The following ADSS2 variants were observed in gnomAD, a reference collection of about 807,000 sequenced individuals.
ADSS2 encodes the protein adenylosuccinate synthetase isozyme 2.
ADSS2 carries 30 observed loss-of-function variants against 60.0 expected under a neutral mutation model. The observed-to-expected ratio is 0.50, with a 90% CI of 0.37 to 0.68. ADSS2 has a LOEUF of 0.68. Among genes scored for constraint, ADSS2 ranks in the 30% least tolerant of loss-of-function variants. ADSS2 has a pLI of 0.00. For missense variants in ADSS2, 373 were observed against 554.8 expected (o/e 0.67, Z 3.29); for synonymous variants, 187 against 193.1 (o/e 0.97, Z 0.26).
At chr1:244,441,826 C>A (rs147143809) in intron 1 of ADSS2, among the ~76,000 whole-genome samples, 2 of 151,860 alleles carry the variant, frequency 1.3e-5, no homozygotes, top group Non-Finnish European at 1.5e-5. Context: ...CGTGGTGGCA[C>A]GTGCCTGTAG....
In ADSS2 at chr1:244,418,764, T is replaced by C. The variant is rs369996847; in HGVS notation, c.941A>G (p.Asp314Gly). 17 of 1,604,966 alleles carry C rather than the reference T, an allele frequency of 1.1e-5. No homozygotes were observed. Among genetic ancestry groups the C allele is most frequent in the Non-Finnish European group, 1.4e-5 (17 of 1,177,514 alleles). ...VGIGAFPTEQ[D>G]NEIGELLQTR... Reference sequence around the variant, plus strand: ...ATTTACTTAGAATAGGCTTACATTGTCTTGCTCTGTAGGAAAGGCACCAAT... The same window carrying C: ...ATTTACTTAGAATAGGCTTACATTGCCTTGCTCTGTAGGAAAGGCACCAAT... Residue 314 changes from aspartate (D) to glycine (G), a missense_variant, in exon 9 of 13, where the codon GAC becomes GGC. By Grantham distance (94) the Asp-to-Gly change is moderately conservative. This residue lies in a region of ADSS2 where 130 missense variants were observed against 169.4 expected (regional missense o/e 0.77). Transcript: ENST00000366535.
chr1:244,434,920 G>C (rs1421710535), intron 3 of ADSS2, among the ~76,000 whole-genome samples: 1 of 152,052 alleles, frequency 6.6e-6, no homozygotes, highest in Non-Finnish European at 1.5e-5. Context: ...TGTAATCCCA[G>C]CACCTTGGGA....
Position 244,436,825 on chromosome 1 carries a change from C to G in ADSS2, c.355G>C (p.Gly119Arg). The G allele has an allele frequency of 1.9e-6, 3 of 1,609,108 alleles. No homozygotes were observed. The highest frequency in any genetic ancestry group is 2.5e-6 in the Non-Finnish European group (3 of 1,176,550). The change falls in exon 3 of 13, where the codon GGA becomes CGA. Residue 119 changes from glycine to arginine, a missense_variant and splice_region_variant. Gly to Arg is a moderately radical substitution (Grantham distance 125). Coordinates refer to ENST00000366535, the MANE Select transcript of ADSS2 (RefSeq NM_001126.5). ...EAEKNVQKGKGLEGWEKRLII... is the reference protein window; with the variant it reads ...EAEKNVQKGKRLEGWEKRLII... ...ACCAAGTAGACTCATTCTTTCATAC[C>G]TTTTCCTTTTTGAACATTTTTCTCT... is the stretch of plus-strand genomic sequence containing the variant.
At chr1:244,437,798 CT>C in intron 1 of ADSS2, 30 bp from the exon 2 acceptor site, 1 of 1,469,102 alleles carries the variant, frequency 6.8e-7, no homozygotes, top group Non-Finnish European at 9.5e-7. Flanking sequence ...AAAATTGAGC[CT>C]GATGATAAAT....
chr1:244,416,192 C>T (rs982290763), intron 10 of ADSS2, 114 bp from the exon 11 acceptor site: 15 of 703,064 alleles, frequency 2.1e-5, no homozygotes, highest in Non-Finnish European at 3.3e-5. Flanking sequence ...AGTTCTAAAG[C>T]AATTCTGAAA....
intron 1 of ADSS2, among the ~76,000 whole-genome samples, chr1:244,448,495 A>G (rs1023134599): frequency 6.6e-6 from 1 of 152,192 alleles, no homozygotes; most frequent in Non-Finnish European, 1.5e-5. Context: ...GAGAATACAC[A>G]CGGAACACTG....
intron 4 of ADSS2, among the ~76,000 whole-genome samples, chr1:244,426,873 T>C (rs1664818309): frequency 6.6e-6 from 1 of 152,186 alleles, no homozygotes; most frequent in Admixed American, 6.6e-5. Flanking sequence ...CCATGCTACA[T>C]CGATTACATA....
rs146471001 is a variant in ADSS2 at position 244,430,131 on chromosome 1, C to T, written c.406+2414G>A. On this transcript the variant is annotated intron_variant, in intron 4 of 12. Coordinates refer to ENST00000366535, the MANE Select transcript of ADSS2 (RefSeq NM_001126.5). ...GGAAAAAATAATTAAAGAAATATAA[C>T]TATAAATAAAATAATAATATTCATT... Among the ~76,000 whole-genome samples the T allele has an allele frequency of 7.8e-3, 1,189 of 152,134 alleles. 5 individuals carry two copies. Among genetic ancestry groups the T allele is most frequent in the Non-Finnish European group, 0.013 (868 of 68,000 alleles).
At chr1:244,423,893 A>G (rs57748551) in intron 6 of ADSS2, 60 bp downstream of exon 6, 125,814 of 1,413,566 alleles carry the variant, frequency 0.089, 7,237 homozygotes, top group Admixed American at 0.24. Context: ...TGCACCCTAG[A>G]TTTTAAAAAA....
chr1:244,434,538 T>C (rs1665036323), intron 3 of ADSS2, among the ~76,000 whole-genome samples: 1 of 152,204 alleles, frequency 6.6e-6, no homozygotes, highest in African/African-American at 2.4e-5. Flanking sequence ...GAAGAGAACC[T>C]CCTCGGTAAT....
chr1:244,420,200 C>T lies in ADSS2; in HGVS notation c.760G>A (p.Ala254Thr), dbSNP rs777533847. ...TCAATATCTAATAGTGCTGCATTTG[C>T]ACCTTCTACCAAGATTTTCTTTGGT... is the stretch of plus-strand genomic sequence containing the variant. ...GPPKKILVEG[A>T]NAALLDIDFG... The change falls in exon 8 of 13, where the codon GCA (alanine) becomes ACA (threonine). Residue 254 changes from alanine (A) to threonine (T), a missense_variant. By Grantham distance (58) the Ala-to-Thr change is moderately conservative. Around this residue, in one of 5 missense-constraint regions of ADSS2, gnomAD observed 28 missense variants for 74.4 expected, o/e 0.38. Transcript: ENST00000366535. The T allele has an allele frequency of 6.2e-7, 1 of 1,613,820 alleles. No individual in the cohort carries two copies. Among genetic ancestry groups the T allele is most frequent in the South Asian group, 1.1e-5 (1 of 91,078 alleles).
chr1:244,425,689 C>T (rs1039060873), intron 4 of ADSS2, among the ~76,000 whole-genome samples: 1 of 152,104 alleles, frequency 6.6e-6, no homozygotes, highest in Non-Finnish European at 1.5e-5. Flanking sequence ...ACAATCATAT[C>T]TTTTTATGAT....
intron 1 of ADSS2, among the ~76,000 whole-genome samples, chr1:244,442,242 TAC>T (rs71739056): frequency 0.54 from 79,843 of 148,894 alleles, 21,475 homozygotes; most frequent in Admixed American, 0.61. Flanking sequence ...ATGGTTGCTC[TAC>T]ACACACACAC....
intron 4 of ADSS2, 86 bp downstream of exon 4, chr1:244,432,456 TAAA>T: frequency 1.0e-6 from 1 of 997,496 alleles, no homozygotes; most frequent in South Asian, 1.6e-5. Context: ...TAAATAAAAA[TAAA>T]AGACAAAATT....
intron 6 of ADSS2, 66 bp downstream of exon 6, chr1:244,423,887 C>A (rs1026604306): frequency 2.3e-6 from 3 of 1,299,498 alleles, no homozygotes; most frequent in Admixed American, 4.3e-5. Flanking sequence ...TCATTTTGCA[C>A]CCTAGATTTT....
At chr1:244,413,207 C>T (rs1307100817) in intron 11 of ADSS2, among the ~76,000 whole-genome samples, 5 of 152,112 alleles carry the variant, frequency 3.3e-5, no homozygotes, top group Non-Finnish European at 7.4e-5. Context: ...TCTCATGATG[C>T]ATGACACAGA....
Position 244,409,323 on chromosome 1 carries a change from A to G in ADSS2, c.*263T>C. On this transcript the variant is annotated 3_prime_UTR_variant, in exon 13 of 13. Transcript: ENST00000366535. ...AAACAACATGGATTATACTATTACT[A>G]AACATTGAAAAAAAAAACGTGGCAC... 2 of 310,990 alleles carry G rather than the reference A, an allele frequency of 6.4e-6. No homozygotes were observed. Among genetic ancestry groups the G allele is most frequent in the Non-Finnish European group, 1.1e-5 (2 of 178,480 alleles). The allele number at this position is 310,990 out of a possible 1,614,324, so 19.3% of individuals were successfully genotyped here. A position where few individuals can be genotyped will look rare whatever the true frequency, so the allele number is the denominator to read the frequency against.
intron 2 of ADSS2, 82 bp from the exon 3 acceptor site, chr1:244,436,975 G>T (rs546445987): frequency 4.3e-6 from 5 of 1,149,586 alleles, no homozygotes; most frequent in East Asian, 4.8e-5. Flanking sequence ...GATTTACCAC[G>T]GTGTTACCAC....
chr1:244,432,444 G>T, intron 4 of ADSS2, 101 bp downstream of exon 4: 1 of 857,406 alleles, frequency 1.2e-6, no homozygotes, highest in South Asian at 1.8e-5. Context: ...TCCTACTTAC[G>T]CTAAATAAAA....
Sources: allele counts gnomAD v4.1 joint callset (sites outside exome capture counted in the v4.1 genomes callset), GRCh38; gene constraint gnomAD v4.1.1; regional missense constraint gnomAD v4.1.1; transcripts MANE v1.5; gene names NCBI Gene and HGNC (gene_info 2026-07-23, HGNC 2026-07-21).